Variants in ASB7 observed in about 807,000 individuals in gnomAD.
ASB7 encodes the protein ankyrin repeat and SOCS box containing 7, also known as ankyrin repeat and SOCS box protein 7.
Under a neutral mutation model 32.5 loss-of-function variants are expected in ASB7, and 4 were observed. The ratio of observed to expected loss-of-function variants is 0.12; its 90% CI spans 0.06 to 0.28. The LOEUF (loss-of-function observed/expected upper bound fraction) is 0.28, where lower values mean the gene tolerates loss of function less well. Among genes scored for constraint, ASB7 ranks in the 10% least tolerant of loss-of-function variants. ASB7 has a pLI of 1.00. For missense variants in ASB7, 181 were observed against 407.1 expected, an observed-to-expected ratio of 0.44 and a Z score of 4.78; for synonymous variants, 172 against 155.6, an observed-to-expected ratio of 1.11 and a Z score of -0.78.
chr15:100,605,764 G>C (rs1194257045), intron 2 of ASB7, among the ~76,000 whole-genome samples: 1 of 152,184 alleles, frequency 6.6e-6, no homozygotes, highest in East Asian at 1.9e-4. Flanking sequence ...AGGTTAATAA[G>C]ATAATATTGA....
intron 5 of ASB7, among the ~76,000 whole-genome samples, chr15:100,636,174 G>A (rs1297032797): frequency 6.6e-6 from 1 of 152,220 alleles, no homozygotes; most frequent in South Asian, 2.1e-4. Context: ...CAGGTACACA[G>A]ATCTCAGCCA....
At chr15:100,636,887 T>C (rs1416520325) in intron 5 of ASB7, among the ~76,000 whole-genome samples, 1 of 152,270 alleles carries the variant, frequency 6.6e-6, no homozygotes, top group Non-Finnish European at 1.5e-5. Flanking sequence ...TTTGCCTTTT[T>C]CACTGTGATG....
chr15:100,632,831 C>T (rs544011420), intron 5 of ASB7, among the ~76,000 whole-genome samples: 12 of 148,498 alleles, frequency 8.1e-5, no homozygotes, highest in Non-Finnish European at 1.6e-4. Context: ...GAAAAATTGC[C>T]GTAAAAACTC....
At chr15:100,615,684 G>T (rs990394323) in intron 4 of ASB7, among the ~76,000 whole-genome samples, 2 of 152,152 alleles carry the variant, frequency 1.3e-5, no homozygotes, top group Non-Finnish European at 2.9e-5. Flanking sequence ...GGTTTCTTTT[G>T]TACCATCCAG....
intron 4 of ASB7, among the ~76,000 whole-genome samples, chr15:100,616,328 T>G (rs972233146): frequency 6.6e-6 from 1 of 152,230 alleles, no homozygotes; most frequent in African/African-American, 2.4e-5. Flanking sequence ...TTCTTGTTTT[T>G]GTTGTCGGGC....
chr15:100,611,195 C>G (rs1157498297), intron 3 of ASB7, among the ~76,000 whole-genome samples: 2 of 152,106 alleles, frequency 1.3e-5, no homozygotes, highest in African/African-American at 4.8e-5. Context: ...CAGGTGCACA[C>G]TACCATGCCT....
At position 100,648,689 on chromosome 15, in the gene ASB7, C is replaced by T; in HGVS notation, c.*227C>T. The T allele has an allele frequency of 2.6e-6, 1 of 386,798 alleles. No individual in the cohort carries two copies. The highest frequency in any genetic ancestry group is 4.6e-6 in the Non-Finnish European group (1 of 218,356). 24.0% of individuals were successfully genotyped at this position (386,798 alleles called of 1,614,324 possible). ...ATGCTTGAAGGTCTTAATTTGGTTTCTTGGTCCAAGTTTAAGAGGTCCAAG... is the reference window on the plus strand; with the variant it reads ...ATGCTTGAAGGTCTTAATTTGGTTTTTTGGTCCAAGTTTAAGAGGTCCAAG... On this transcript the variant is annotated 3_prime_UTR_variant, in exon 6 of 6. Transcript: ENST00000332783.
intron 5 of ASB7, among the ~76,000 whole-genome samples, chr15:100,631,411 A>G (rs1308094526): frequency 6.6e-6 from 1 of 152,188 alleles, no homozygotes; most frequent in Non-Finnish European, 1.5e-5. Flanking sequence ...TCTGGGGCTG[A>G]CTGGTGGGTG....
At chr15:100,643,016 A>G (rs985587849) in intron 5 of ASB7, among the ~76,000 whole-genome samples, 8 of 152,218 alleles carry the variant, frequency 5.3e-5, no homozygotes, top group Non-Finnish European at 8.8e-5. Context: ...AGGCTGGGCC[A>G]CAGAGTGAGA....
chr15:100,640,245 C>T (rs975193557), intron 5 of ASB7, among the ~76,000 whole-genome samples: 7 of 152,044 alleles, frequency 4.6e-5, no homozygotes, highest in South Asian at 2.1e-4. Flanking sequence ...ACAAGGCTCA[C>T]GCAATTCTCC....
chr15:100,640,090 GA>G (rs1342035030), intron 5 of ASB7, among the ~76,000 whole-genome samples: 10 of 152,156 alleles, frequency 6.6e-5, no homozygotes, highest in African/African-American at 2.4e-4. Flanking sequence ...CCTCTGAAGG[GA>G]ATTCAGAGGC....
chr15:100,627,196 C>T (rs1429542589), intron 4 of ASB7, among the ~76,000 whole-genome samples: 1 of 152,102 alleles, frequency 6.6e-6, no homozygotes, highest in Non-Finnish European at 1.5e-5. Flanking sequence ...GATTATGCTA[C>T]AGCTTATTTA....
intron 3 of ASB7, among the ~76,000 whole-genome samples, chr15:100,610,419 C>G (rs376306754): frequency 1.3e-5 from 2 of 151,122 alleles, no homozygotes; most frequent in South Asian, 2.1e-4. Context: ...GGTGTGAACC[C>G]GGGAGGTGGA....
chr15:100,604,406 T>C (rs913170546), intron 2 of ASB7, among the ~76,000 whole-genome samples: 1 of 152,210 alleles, frequency 6.6e-6, no homozygotes, highest in Non-Finnish European at 1.5e-5. Flanking sequence ...AAGTGACTTG[T>C]TAATCTGAGT....
In ASB7 at chr15:100,648,677, T is replaced by C. The variant is rs1287401286; in HGVS notation, c.*215T>C. On this transcript the variant is annotated 3_prime_UTR_variant, in exon 6 of 6. Transcript: ENST00000332783. ...AACACACACCACATGCTTGAAGGTCTTAATTTGGTTTCTTGGTCCAAGTTT... is the reference window on the plus strand; with the variant it reads ...AACACACACCACATGCTTGAAGGTCCTAATTTGGTTTCTTGGTCCAAGTTT... 2.5e-6 allele frequency: 1 copy of C among 401,052 alleles called. No homozygotes were observed. The highest frequency in any genetic ancestry group is 2.1e-5 in the African/African-American group (1 of 48,078). 24.8% of individuals were successfully genotyped at this position (401,052 alleles called of 1,614,324 possible).
rs865957390 is a variant in ASB7, at chr15:100,602,919, G to A, written c.-400G>A. 4 of 398,840 alleles carry A rather than the reference G, an allele frequency of 1.0e-5. No individual in the cohort carries two copies. Among genetic ancestry groups the A allele is most frequent in the Non-Finnish European group, 1.8e-5 (4 of 226,374 alleles). 24.7% of individuals were successfully genotyped at this position (398,840 alleles called of 1,614,324 possible). On this transcript the variant is annotated 5_prime_UTR_variant, in exon 1 of 6. Transcript: ENST00000332783. The stretch of plus-strand genomic sequence containing the variant: ...CTGTTCGGATGTTCGCCGGGCTGGG[G>A]CCGTGAGGCACCGAGGAGGATCAGG...
intron 4 of ASB7, among the ~76,000 whole-genome samples, chr15:100,617,225 C>T (rs940399689): frequency 7.9e-5 from 12 of 152,318 alleles, no homozygotes; most frequent in Middle Eastern, 3.4e-3. Context: ...CCCAACCAGT[C>T]TCCAAATAAT....
intron 5 of ASB7, among the ~76,000 whole-genome samples, chr15:100,647,344 C>T (rs1276014546): frequency 1.3e-5 from 2 of 152,076 alleles, no homozygotes; most frequent in African/African-American, 2.4e-5. Flanking sequence ...GTACTTCCCT[C>T]GTAAAAGGAT....
intron 4 of ASB7, among the ~76,000 whole-genome samples, chr15:100,613,871 C>T (rs2039718052): frequency 6.6e-6 from 1 of 152,132 alleles, no homozygotes; most frequent in Admixed American, 6.5e-5. Context: ...TTTGACTAAC[C>T]CCTAATCCTT....
Sources: gnomAD v4.1 joint callset for allele counts (sites outside exome capture counted in the v4.1 genomes callset) on GRCh38, gnomAD v4.1.1 for gene constraint, MANE v1.5 for transcripts, NCBI Gene and HGNC (gene_info 2026-07-23, HGNC 2026-07-21) for gene names.